SLC24A3: variants seen among roughly 807,000 people sequenced by gnomAD.
The protein encoded by SLC24A3 is solute carrier family 24 member 3.
SLC24A3 carries 28 observed loss-of-function variants against 75.8 expected under a neutral mutation model. The observed-to-expected ratio is 0.37, with a 90% CI of 0.27 to 0.51. The LOEUF (loss-of-function observed/expected upper bound fraction) is 0.51. Ranked by LOEUF, SLC24A3 falls within the 20% of genes least tolerant of loss-of-function variation. The pLI, the probability that SLC24A3 is intolerant of heterozygous loss-of-function variation, is 0.94. For synonymous variants in SLC24A3, 372 were observed against 334.1 expected, an observed-to-expected ratio of 1.11 and a Z score of -1.24; for missense variants, 663 against 847.8, an observed-to-expected ratio of 0.78 and a Z score of 2.71.
intron 2 of SLC24A3, among the ~76,000 whole-genome samples, chr20:19,495,413 T>C (rs1357730621): frequency 6.6e-6 from 1 of 152,204 alleles, no homozygotes; most frequent in Non-Finnish European, 1.5e-5. Context: ...AGACATGTTT[T>C]GTAAAAGTAG....
At chr20:19,235,296 A>G (rs768624335) in intron 1 of SLC24A3, among the ~76,000 whole-genome samples, 3 of 152,338 alleles carry the variant, frequency 2.0e-5, no homozygotes, top group Non-Finnish European at 2.9e-5. Flanking sequence ...TACCTAGTGC[A>G]GAAGTAAGGT....
chr20:19,559,844 GCAAAC>G (rs2030846331), intron 3 of SLC24A3, among the ~76,000 whole-genome samples: 1 of 152,030 alleles, frequency 6.6e-6, no homozygotes, highest in Admixed American at 6.6e-5. Context: ...GCTCCCAAAA[GCAAAC>G]CCTAGATGAG....
At chr20:19,442,159 A>G (rs1429784705) in intron 2 of SLC24A3, among the ~76,000 whole-genome samples, 1 of 152,212 alleles carries the variant, frequency 6.6e-6, no homozygotes, top group East Asian at 1.9e-4. Flanking sequence ...TAAGGCTGCT[A>G]TGAATATTTA....
chr20:19,530,639 A>G (rs1317358785), intron 3 of SLC24A3, among the ~76,000 whole-genome samples: 1 of 152,210 alleles, frequency 6.6e-6, no homozygotes, highest in Non-Finnish European at 1.5e-5. Context: ...TGATTTATAT[A>G]GTAAAAGAGG....
intron 2 of SLC24A3, among the ~76,000 whole-genome samples, chr20:19,329,599 G>T (rs1388279441): frequency 6.6e-6 from 1 of 152,202 alleles, no homozygotes; most frequent in Non-Finnish European, 1.5e-5. Context: ...AGCTATGAAG[G>T]CTATTTTGTA....
At chr20:19,281,150 G>A in intron 2 of SLC24A3, 63 bp downstream of exon 2, 1 of 1,590,236 alleles carries the variant, frequency 6.3e-7, no homozygotes, top group Non-Finnish European at 8.6e-7. Context: ...CTGAGGAAGA[G>A]CCAGCTGCTG....
chr20:19,691,118 ATAAAT>A (rs1397039122), intron 12 of SLC24A3, among the ~76,000 whole-genome samples: 1 of 152,260 alleles, frequency 6.6e-6, no homozygotes, highest in African/African-American at 2.4e-5. Context: ...GAGACTGAAA[ATAAAT>A]TAAGAAACAA....
At chr20:19,255,628 C>A (rs1172368153) in intron 1 of SLC24A3, among the ~76,000 whole-genome samples, 1 of 152,148 alleles carries the variant, frequency 6.6e-6, no homozygotes, top group African/African-American at 2.4e-5. Flanking sequence ...CAATGCCATA[C>A]TTAGTTTCTT....
chr20:19,580,493 C>A (rs1431793080), intron 4 of SLC24A3, among the ~76,000 whole-genome samples: 3 of 152,082 alleles, frequency 2.0e-5, no homozygotes, highest in African/African-American at 7.2e-5. Flanking sequence ...AAACCTCCAA[C>A]CGCATACCTC....
intron 6 of SLC24A3, among the ~76,000 whole-genome samples, chr20:19,646,587 A>G (rs2032139778): frequency 6.6e-6 from 1 of 152,180 alleles, no homozygotes; most frequent in African/African-American, 2.4e-5. Flanking sequence ...TTGAAGCACC[A>G]CATACACTTA....
intron 2 of SLC24A3, among the ~76,000 whole-genome samples, chr20:19,471,666 TTAG>T (rs1987874081): frequency 6.6e-6 from 1 of 152,080 alleles, no homozygotes; most frequent in Non-Finnish European, 1.5e-5. Flanking sequence ...TCAGGATGGC[TTAG>T]CCCATCACTC....
At chr20:19,346,476 C>T (rs891711936) in intron 2 of SLC24A3, among the ~76,000 whole-genome samples, 2 of 149,122 alleles carry the variant, frequency 1.3e-5, no homozygotes, top group Non-Finnish European at 3.0e-5. Context: ...TACTACTCAG[C>T]CATAAAAAGG....
chr20:19,648,452 G>GTT (rs538570138), intron 6 of SLC24A3, among the ~76,000 whole-genome samples: 2,690 of 146,850 alleles, frequency 0.018, 37 homozygotes, highest in South Asian at 0.057. Flanking sequence ...TGCTTCAACA[G>GTT]TTTTTTTTTT....
intron 1 of SLC24A3, among the ~76,000 whole-genome samples, chr20:19,234,371 C>T (rs775367459): frequency 1.4e-4 from 22 of 152,360 alleles, no homozygotes; most frequent in Non-Finnish European, 2.8e-4. Context: ...TGCTGTGAAA[C>T]AGGGCAGCCA....
At chr20:19,350,826 A>G (rs1475291016) in intron 2 of SLC24A3, among the ~76,000 whole-genome samples, 1 of 152,172 alleles carries the variant, frequency 6.6e-6, no homozygotes, top group African/African-American at 2.4e-5. Flanking sequence ...TGTCTTGGGT[A>G]CAGACCGTGC....
chr20:19,658,344 A>T (rs1011255913), intron 7 of SLC24A3, among the ~76,000 whole-genome samples: 3 of 152,214 alleles, frequency 2.0e-5, no homozygotes, highest in Non-Finnish European at 2.9e-5. Flanking sequence ...CGGGCGGGGC[A>T]TGCCGAGGTG....
At position 19,280,969 on chromosome 20, in the gene SLC24A3, C is replaced by T; in HGVS notation, c.153C>T (p.Leu51=). The T allele has an allele frequency of 1.2e-6, 2 of 1,613,794 alleles. No individual in the cohort carries two copies. Among genetic ancestry groups the T allele is most frequent in the Non-Finnish European group, 1.7e-6 (2 of 1,179,820 alleles). ...TCTTTGTCTCCCCAGAGCTTGACCT[C>T]ATGGACCTCGTAGGGGAAGACAGAA... ...SSLREQKELD[L]MDLVGEDRKW... is the part of the protein sequence containing the mutation. Residue 51 remains leucine (L), a synonymous_variant, in exon 2 of 17, where the codon CTC becomes CTT. Transcript: ENST00000328041.
intron 1 of SLC24A3, among the ~76,000 whole-genome samples, chr20:19,265,100 C>T (rs749798614): frequency 1.3e-5 from 2 of 152,182 alleles, no homozygotes; most frequent in South Asian, 2.1e-4. Context: ...TATATTGCAA[C>T]GTAAAGCATT....
At chr20:19,658,386 C>G (rs745550687) in intron 7 of SLC24A3, among the ~76,000 whole-genome samples, 2 of 152,150 alleles carry the variant, frequency 1.3e-5, no homozygotes, top group African/African-American at 2.4e-5. Context: ...AGGAAGCGCA[C>G]GTGCATTCCG....
Sources: gnomAD v4.1 joint callset for allele counts (sites outside exome capture counted in the v4.1 genomes callset) on GRCh38, gnomAD v4.1.1 for gene constraint, MANE v1.5 for transcripts, NCBI Gene and HGNC (gene_info 2026-07-23, HGNC 2026-07-21) for gene names.